CADM2: variants seen among roughly 807,000 people sequenced by gnomAD.
CADM2 encodes the protein immunoglobulin superfamily member 4D.
CADM2 carries 12 observed loss-of-function variants against 49.8 expected under a neutral mutation model. The observed-to-expected ratio is 0.24, with a 90% CI of 0.15 to 0.39. The LOEUF (loss-of-function observed/expected upper bound fraction) is 0.39. Ranked by LOEUF, CADM2 falls within the 10% of genes least tolerant of loss-of-function variation. The pLI is 1.00. For synonymous variants in CADM2, 214 were observed against 175.4 expected, an observed-to-expected ratio of 1.22 and a Z score of -1.74; for missense variants, 378 against 492.3, an observed-to-expected ratio of 0.77 and a Z score of 2.20.
chr3:85,853,681 A>C (rs949523390), intron 3 of CADM2, among the ~76,000 whole-genome samples: 16 of 152,090 alleles, frequency 1.1e-4, no homozygotes, highest in Non-Finnish European at 1.8e-4. Context: ...AGATGAAAAA[A>C]AAAAAATACT....
intron 1 of CADM2, among the ~76,000 whole-genome samples, chr3:85,363,056 C>T (rs900891731): frequency 6.6e-6 from 1 of 152,104 alleles, no homozygotes; most frequent in Non-Finnish European, 1.5e-5. Flanking sequence ...TCTGAGTACT[C>T]AAAGTCTCCT....
At chr3:85,906,935 C>T (rs1163907115) in intron 5 of CADM2, among the ~76,000 whole-genome samples, 1 of 152,132 alleles carries the variant, frequency 6.6e-6, no homozygotes, top group South Asian at 2.1e-4. Context: ...ATCCAAGTTA[C>T]TGAATGAATT....
At chr3:86,055,498 G>T (rs868638294) in intron 8 of CADM2, among the ~76,000 whole-genome samples, 6 of 92,906 alleles carry the variant, frequency 6.5e-5, no homozygotes, top group South Asian at 3.8e-4. Flanking sequence ...AGGGATTCTT[G>T]CTCTGTCACC....
At chr3:85,590,603 G>C (rs1393004879) in intron 1 of CADM2, among the ~76,000 whole-genome samples, 1 of 151,892 alleles carries the variant, frequency 6.6e-6, no homozygotes, top group Non-Finnish European at 1.5e-5. Context: ...GAGAATGAAT[G>C]TTTTTGAACT....
In CADM2 at chr3:85,192,700, G is replaced by C. The variant is rs147894356; in HGVS notation, c.61+233032G>C. Among the ~76,000 whole-genome samples, 74 of 151,930 alleles carry C rather than the reference G, an allele frequency of 4.9e-4. No individual in the cohort carries two copies. In the East Asian group the frequency reaches 9.1e-3, roughly 19 times the overall value. On this transcript the variant is annotated intron_variant, in intron 1 of 9. Transcript: ENST00000383699. ...GGGAAAAATTGGAAAGATTTGTGCG[G>C]GAGGTGGGAAGTATGATTTTTATCT...
chr3:85,513,862 C>G (rs1156844969), intron 1 of CADM2, among the ~76,000 whole-genome samples: 2 of 151,966 alleles, frequency 1.3e-5, no homozygotes, highest in Non-Finnish European at 2.9e-5. Context: ...CAAGCAGATG[C>G]TCTTTCTTGA....
At chr3:85,921,740 A>G (rs1322630261) in intron 6 of CADM2, among the ~76,000 whole-genome samples, 2 of 151,626 alleles carry the variant, frequency 1.3e-5, no homozygotes, top group African/African-American at 4.9e-5. Context: ...GTATAATGTC[A>G]TGTATCTACT....
At chr3:85,228,304 G>T (rs1057076377) in intron 1 of CADM2, among the ~76,000 whole-genome samples, 1 of 151,900 alleles carries the variant, frequency 6.6e-6, no homozygotes, top group African/African-American at 2.4e-5. Flanking sequence ...CCTGTATTTC[G>T]TGGAAGCTTT....
At chr3:85,601,215 A>C (rs2063396270) in intron 1 of CADM2, among the ~76,000 whole-genome samples, 2 of 142,650 alleles carry the variant, frequency 1.4e-5, no homozygotes, top group Admixed American at 7.2e-5. Flanking sequence ...TCCCAAGTGG[A>C]ATACATGAGG....
rs554117305 is a variant in CADM2 at position 85,723,264 on chromosome 3, G to A, written c.62-3258G>A. Among the ~76,000 whole-genome samples, 4 of 152,206 alleles carry A rather than the reference G, an allele frequency of 2.6e-5. No individual in the cohort carries two copies. The South Asian group carries it at 6.2e-4, about 24-fold the overall frequency. Reference sequence around the variant, plus strand: ...GCTTTTATTATAAAGACAAAAAATGGTGTCATATCTAAAACTTTTCTCTGG... The same window carrying A: ...GCTTTTATTATAAAGACAAAAAATGATGTCATATCTAAAACTTTTCTCTGG... On this transcript the variant is annotated intron_variant, in intron 1 of 9. Transcript: ENST00000383699.
chr3:85,721,883 T>A (rs1050863571), intron 1 of CADM2, among the ~76,000 whole-genome samples: 1 of 152,226 alleles, frequency 6.6e-6, no homozygotes, highest in African/African-American at 2.4e-5. Context: ...GGGTACTGAA[T>A]TCTTGCTCCA....
chr3:85,784,576 ATCT>A, intron 2 of CADM2, among the ~76,000 whole-genome samples: 1 of 143,452 alleles, frequency 7.0e-6, no homozygotes, highest in East Asian at 2.0e-4. Context: ...CTATCTATCT[ATCT>A]AACACGTTTG....
chr3:85,445,673 C>T (rs1241805944), intron 1 of CADM2, among the ~76,000 whole-genome samples: 1 of 151,876 alleles, frequency 6.6e-6, no homozygotes, highest in Non-Finnish European at 1.5e-5. Context: ...ATAAAAGAAA[C>T]TTCCATCTCA....
chr3:85,460,760 G>A (rs944071079), intron 1 of CADM2, among the ~76,000 whole-genome samples: 2 of 151,820 alleles, frequency 1.3e-5, no homozygotes, highest in African/African-American at 4.8e-5. Context: ...GTGTGTGTCT[G>A]CATTCACCAG....
At chr3:85,630,873 C>T (rs1334578710) in intron 1 of CADM2, among the ~76,000 whole-genome samples, 1 of 151,940 alleles carries the variant, frequency 6.6e-6, no homozygotes, top group Non-Finnish European at 1.5e-5. Context: ...AAAATATCAA[C>T]CAGATCTCCT....
intron 1 of CADM2, among the ~76,000 whole-genome samples, chr3:85,451,884 T>C (rs530528019): frequency 6.6e-6 from 1 of 152,216 alleles, no homozygotes; most frequent in East Asian, 1.9e-4. Flanking sequence ...AAATGGATGA[T>C]ATGGAAGCAT....
chr3:85,845,015 C>T (rs1373473716), intron 3 of CADM2, among the ~76,000 whole-genome samples: 1 of 151,484 alleles, frequency 6.6e-6, no homozygotes. Context: ...ATTAGCCAGG[C>T]ACGTTGGTAT....
At chr3:85,512,109 T>C (rs2040646108) in intron 1 of CADM2, among the ~76,000 whole-genome samples, 1 of 152,010 alleles carries the variant, frequency 6.6e-6, no homozygotes, top group Non-Finnish European at 1.5e-5. Context: ...ATCACCCAGG[T>C]AGTGAGCAGA....
At chr3:85,695,942 C>T (rs2066541102) in intron 1 of CADM2, among the ~76,000 whole-genome samples, 1 of 152,036 alleles carries the variant, frequency 6.6e-6, no homozygotes, top group Admixed American at 6.5e-5. Flanking sequence ...TAGTAATAGC[C>T]ATTCTGACTA....
Sources: gnomAD v4.1 joint callset for allele counts (sites outside exome capture counted in the v4.1 genomes callset) on GRCh38, gnomAD v4.1.1 for gene constraint, MANE v1.5 for transcripts, NCBI Gene and HGNC (gene_info 2026-07-23, HGNC 2026-07-21) for gene names.